The following WNK3 variants were observed in gnomAD, a reference collection of about 807,000 sequenced individuals.
The protein encoded by WNK3 is WNK lysine deficient protein kinase 3, also known as serine/threonine-protein kinase WNK3.
A neutral mutation model predicts 116.7 loss-of-function variants in WNK3; 18 were observed. That is an observed-to-expected ratio of 0.15 (90% CI 0.11 to 0.23). The LOEUF (loss-of-function observed/expected upper bound fraction) is 0.23. Among genes scored for constraint, WNK3 ranks in the 10% least tolerant of loss-of-function variants. The pLI is 1.00. For synonymous variants in WNK3, 404 were observed against 469.4 expected (o/e 0.86, Z 1.80); for missense variants, 993 against 1,323.8 (o/e 0.75, Z 3.88).
chrX:54,203,410 A>G (rs781967895), intron 22 of WNK3, among the ~76,000 whole-genome samples: 1 of 112,136 alleles, frequency 8.9e-6, no homozygotes, highest in South Asian at 3.7e-4. Flanking sequence ...TTTAAGCACA[A>G]TAACAGTTCC....
Position 54,324,960 on chromosome X carries a change from C to T in WNK3, c.537+8177G>A, listed in dbSNP as rs1332201498. 4.5e-5 allele frequency among the ~76,000 whole-genome samples: 5 copies of T among 111,984 alleles called. No individual in the cohort carries two copies. In the Admixed American group the frequency reaches 4.8e-4, roughly 11 times the overall value. The stretch of plus-strand genomic sequence containing the variant: ...GGCTAATGTCTCAAAATATAGTTTT[C>T]CCCAAAGTATACTTAGATGATGAAT... On this transcript the variant is annotated intron_variant, in intron 2 of 23. Coordinates refer to ENST00000354646, the Ensembl canonical transcript of WNK3.
intron 10 of WNK3, among the ~76,000 whole-genome samples, chrX:54,283,685 C>A (rs1333414027): frequency 2.9e-5 from 3 of 101,939 alleles, no homozygotes; most frequent in Non-Finnish European, 5.9e-5. Flanking sequence ...AGGAGAATGG[C>A]GTGAACCTGG....
chrX:54,260,862 C>T (rs1217737459), intron 10 of WNK3, among the ~76,000 whole-genome samples: 1 of 108,303 alleles, frequency 9.2e-6, no homozygotes, highest in Non-Finnish European at 1.9e-5. Context: ...GCTGGCACTA[C>T]AGGCGCGTAC....
At chrX:54,254,298 G>T (rs2068167362) in intron 12 of WNK3, among the ~76,000 whole-genome samples, 1 of 111,945 alleles carries the variant, frequency 8.9e-6, no homozygotes, top group Admixed American at 9.5e-5. Flanking sequence ...TGATCCTGTG[G>T]TAAAGAAAAC....
intron 1 of WNK3, among the ~76,000 whole-genome samples, chrX:54,345,282 ATATG>A (rs572331448): frequency 0.17 from 17,211 of 100,655 alleles, 1,386 homozygotes; most frequent in African/African-American, 0.24. Flanking sequence ...AACTATATAT[ATATG>A]TATGTATGTA....
chrX:54,273,984 C>T (rs1249295370), intron 10 of WNK3, among the ~76,000 whole-genome samples: 15 of 111,550 alleles, frequency 1.3e-4, no homozygotes, highest in African/African-American at 4.9e-4. Context: ...GCTCCCAACA[C>T]AACTTGTCTC....
rs887896264 is a variant in WNK3, at chrX:54,334,768, T to C, written c.-119-976A>G. ...ATATTAATACACTATCCTAAAACAA[T>C]AGCAAGAAAGACTCAAAACCACGTA... On this transcript the variant is annotated intron_variant, in intron 1 of 23. Transcript: ENST00000354646. 6.2e-5 allele frequency among the ~76,000 whole-genome samples: 7 copies of C among 112,138 alleles called. No individual in the cohort carries two copies. In the East Asian group the frequency reaches 1.1e-3, roughly 18 times the overall value.
upstream of WNK3, among the ~76,000 whole-genome samples, chrX:54,358,873 C>G (rs1469442899): frequency 8.9e-6 from 1 of 112,710 alleles, no homozygotes; most frequent in Non-Finnish European, 1.9e-5. Context: ...GGATTTCCGA[C>G]GCCATTTTGC....
At chrX:54,244,748 T>C (rs953262953) in intron 17 of WNK3, among the ~76,000 whole-genome samples, 37 of 111,774 alleles carry the variant, frequency 3.3e-4, no homozygotes, top group African/African-American at 1.2e-3. Flanking sequence ...GAATACATAA[T>C]TGATTATTCT....
At chrX:54,346,208 G>A (rs2069424382) in intron 1 of WNK3, among the ~76,000 whole-genome samples, 1 of 90,469 alleles carries the variant, frequency 1.1e-5, no homozygotes, top group Admixed American at 1.4e-4. Context: ...ATCACCTTGG[G>A]TGTTGAATAT....
At chrX:54,290,319 A>G (rs2068625541) in intron 10 of WNK3, among the ~76,000 whole-genome samples, 1 of 110,771 alleles carries the variant, frequency 9.0e-6, no homozygotes, top group Non-Finnish European at 1.9e-5. Context: ...AACTCCAGTA[A>G]CTGACAAGTC....
chrX:54,284,351 C>T (rs1282130563), intron 10 of WNK3, among the ~76,000 whole-genome samples: 1 of 111,613 alleles, frequency 9.0e-6, no homozygotes, highest in African/African-American at 3.3e-5. Context: ...TGAGATACCA[C>T]TATACAACAA....
intron 20 of WNK3, among the ~76,000 whole-genome samples, chrX:54,235,986 T>C (rs1467982257): frequency 1.8e-5 from 2 of 112,455 alleles, no homozygotes; most frequent in East Asian, 2.8e-4. Context: ...ATTTATTGTG[T>C]CTAAGGAGAG....
intron 1 of WNK3, among the ~76,000 whole-genome samples, chrX:54,336,268 T>C (rs1180242465): frequency 1.8e-5 from 2 of 110,684 alleles, no homozygotes; most frequent in African/African-American, 6.6e-5. Flanking sequence ...TGCAGTGAGC[T>C]GAGATCTCAC....
intron 22 of WNK3, among the ~76,000 whole-genome samples, chrX:54,226,989 A>G (rs942557227): frequency 9.8e-5 from 11 of 112,116 alleles, no homozygotes; most frequent in Non-Finnish European, 2.1e-4. Context: ...TAGATATGAC[A>G]GTAAAAGCAC....
chrX:54,337,843 G>A (rs377608119), intron 1 of WNK3, among the ~76,000 whole-genome samples: 9 of 110,913 alleles, frequency 8.1e-5, no homozygotes, highest in African/African-American at 2.6e-4. Flanking sequence ...AAGGAGGGAG[G>A]ATTGCTTGAG....
intron 21 of WNK3, among the ~76,000 whole-genome samples, chrX:54,232,277 G>C (rs1397410466): frequency 9.1e-6 from 1 of 109,884 alleles, no homozygotes; most frequent in Non-Finnish European, 1.9e-5. Flanking sequence ...GAGTAGCTGG[G>C]ATTACAGGCG....
chrX:54,341,852 T>TAA (rs1238305025), intron 1 of WNK3, among the ~76,000 whole-genome samples: 32 of 111,993 alleles, frequency 2.9e-4, no homozygotes, highest in Middle Eastern at 4.6e-3. Context: ...GGTAATGAAC[T>TAA]AAAATTGAGT....
intron 10 of WNK3, among the ~76,000 whole-genome samples, chrX:54,266,353 A>G (rs1557157718): frequency 9.0e-6 from 1 of 111,095 alleles, no homozygotes; most frequent in East Asian, 2.8e-4. Flanking sequence ...TACAAAAATT[A>G]ATCAGAAAAA....
Sources: allele counts gnomAD v4.1 joint callset (sites outside exome capture counted in the v4.1 genomes callset), GRCh38; gene constraint gnomAD v4.1.1; transcripts MANE v1.5; gene names NCBI Gene and HGNC (gene_info 2026-07-23, HGNC 2026-07-21).